Variants in FAM120C observed in about 807,000 individuals in gnomAD.
The protein encoded by FAM120C is constitutive coactivator of PPAR-gamma-like protein 2.
FAM120C carries 14 observed loss-of-function variants against 71.2 expected under a neutral mutation model. That is an observed-to-expected ratio of 0.20 (90% CI 0.13 to 0.31). FAM120C has a LOEUF of 0.31. Ranked by LOEUF, FAM120C falls within the 10% of genes least tolerant of loss-of-function variation. The pLI is 1.00. For synonymous variants in FAM120C, 354 were observed against 353.2 expected (o/e 1.00, Z -0.03); for missense variants, 500 against 879.0 (o/e 0.57, Z 5.45).
chrX:54,103,613 G>A (rs782306118), intron 10 of FAM120C, among the ~76,000 whole-genome samples: 17 of 111,473 alleles, frequency 1.5e-4, no homozygotes, highest in African/African-American at 5.2e-4. Context: ...TTTCTTTAGC[G>A]TATTTTAAGT....
At chrX:54,157,624 C>T in intron 3 of FAM120C, 65 bp downstream of exon 3, 1 of 739,994 alleles carries the variant, frequency 1.4e-6, no homozygotes, top group Non-Finnish European at 2.0e-6. Context: ...ATAATTATTC[C>T]ATCAAAACTC....
chrX:54,156,832 A>C (rs2067212048), intron 3 of FAM120C, among the ~76,000 whole-genome samples: 1 of 100,511 alleles, frequency 9.9e-6, no homozygotes, highest in Non-Finnish European at 2.0e-5. Context: ...GGTTGCAGTG[A>C]GCTGAGATTG....
intron 1 of FAM120C, among the ~76,000 whole-genome samples, chrX:54,164,931 GT>G (rs1286225775): frequency 2.1e-3 from 231 of 111,115 alleles, no homozygotes; most frequent in African/African-American, 7.0e-3. Flanking sequence ...TTTTTTGTGT[GT>G]TTTTTTTAAC....
At chrX:54,170,697 A>G (rs2146646563) in intron 1 of FAM120C, among the ~76,000 whole-genome samples, 1 of 111,956 alleles carries the variant, frequency 8.9e-6, no homozygotes, top group East Asian at 2.8e-4. Flanking sequence ...ATGGAGATTT[A>G]CTTAATTCAT....
intron 1 of FAM120C, among the ~76,000 whole-genome samples, chrX:54,159,922 A>C (rs1294838185): frequency 9.1e-6 from 1 of 110,021 alleles, no homozygotes; most frequent in Non-Finnish European, 1.9e-5. Flanking sequence ...TACTCTTAAA[A>C]AACAAAACAA....
chrX:54,077,937 C>T (rs1400608446), intron 15 of FAM120C, among the ~76,000 whole-genome samples: 2 of 57,032 alleles, frequency 3.5e-5, no homozygotes, highest in African/African-American at 8.5e-5. Context: ...ATAAGATCTA[C>T]TCTTTTTTTT....
chrX:54,175,141 A>G (rs2067309886), intron 1 of FAM120C, among the ~76,000 whole-genome samples: 1 of 111,373 alleles, frequency 9.0e-6, no homozygotes, highest in South Asian at 3.8e-4. Flanking sequence ...CACAAAACAT[A>G]TTTTGCCTAT....
chrX:54,145,857 C>A (rs1410403916), intron 4 of FAM120C, among the ~76,000 whole-genome samples: 3 of 112,059 alleles, frequency 2.7e-5, no homozygotes, highest in Admixed American at 9.5e-5. Context: ...CACATGCACA[C>A]GTATGTTTAC....
intron 1 of FAM120C, 144 bp from the exon 2 acceptor site, chrX:54,159,760 A>AC (rs2067227051): frequency 6.3e-6 from 3 of 474,096 alleles, no homozygotes; most frequent in South Asian, 6.4e-5. Flanking sequence ...AACATTTTTT[A>AC]CTTTTTTTTT....
At chrX:54,125,004 C>A (rs1557127768) in intron 9 of FAM120C, among the ~76,000 whole-genome samples, 1 of 110,887 alleles carries the variant, frequency 9.0e-6, no homozygotes, top group Non-Finnish European at 1.9e-5. Context: ...AAACAAAAAA[C>A]AACAAAAAAA....
At chrX:54,167,953 G>A (rs1248025261) in intron 1 of FAM120C, among the ~76,000 whole-genome samples, 1 of 101,809 alleles carries the variant, frequency 9.8e-6, no homozygotes, top group Non-Finnish European at 2.0e-5. Flanking sequence ...GGGCGACAGA[G>A]TGAGACTCCG....
chrX:54,151,125 G>A, intron 4 of FAM120C, 120 bp downstream of exon 4: 1 of 813,388 alleles, frequency 1.2e-6, no homozygotes, highest in Non-Finnish European at 1.8e-6. Flanking sequence ...TCATTTGTAA[G>A]CATGGAGAAG....
At chrX:54,095,297 T>C (rs1278716356) in intron 10 of FAM120C, among the ~76,000 whole-genome samples, 1 of 109,769 alleles carries the variant, frequency 9.1e-6, no homozygotes, top group Non-Finnish European at 1.9e-5. Flanking sequence ...GCCAGCACCA[T>C]AGTGACTTAA....
At chrX:54,138,088 T>A (rs782023447) in intron 4 of FAM120C, among the ~76,000 whole-genome samples, 95 of 111,511 alleles carry the variant, frequency 8.5e-4, no homozygotes, top group Non-Finnish European at 1.3e-3. Context: ...ATAAATAAAT[T>A]GTGGTATATT....
rs1034820673 is a variant in FAM120C, at chrX:54,078,095, T to C, written c.3036+2137A>G. On this transcript the variant is annotated intron_variant, in intron 15 of 15. Transcript: ENST00000375180. The stretch of plus-strand genomic sequence containing the variant: ...AGTAGCTGGGACTACAGGCGCCCGC[T>C]ACCACGCCCGGCTAATTTTTTGTAT... Among the ~76,000 whole-genome samples, 585 of 104,245 alleles carry C rather than the reference T, an allele frequency of 5.6e-3. 4 individuals are homozygous for C. The highest frequency in any genetic ancestry group is 0.019 in the African/African-American group (544 of 28,893). 90.5% of individuals were successfully genotyped at this position (104,245 alleles called of 115,157 possible).
intron 15 of FAM120C, 75 bp downstream of exon 15, chrX:54,080,157 G>C: frequency 1.2e-6 from 1 of 862,230 alleles, no homozygotes; most frequent in Non-Finnish European, 1.7e-6. Flanking sequence ...CATGCCTGAT[G>C]TGATCTCTTT....
Position 54,182,719 on chromosome X carries a change from A to G in FAM120C, c.480T>C (p.Pro160=). ...CCACGAGCTCCAGGCCGTCGCCGCC[A>G]GGATAGGCACAAGCCTGGCACAGCG... is the stretch of plus-strand genomic sequence containing the variant. The part of the protein sequence containing the change: ...LSALCQACAY[P]GGDGLELVVM... The change falls in exon 1 of 16, where the codon CCT becomes CCC. Residue 160 remains proline, a synonymous_variant. Coordinates refer to ENST00000375180, the MANE Select transcript of FAM120C (RefSeq NM_017848.6). 1 of 1,209,708 alleles carries G rather than the reference A, an allele frequency of 8.3e-7. No homozygotes were observed. The highest frequency in any genetic ancestry group is 1.1e-6 in the Non-Finnish European group (1 of 894,834).
In FAM120C at chrX:54,085,793, G is replaced by A; in HGVS notation, c.2761C>T (p.Leu921Phe). 1 of 1,211,727 alleles carries A rather than the reference G, an allele frequency of 8.3e-7. No homozygotes were observed. The highest frequency in any genetic ancestry group is 1.1e-6 in the Non-Finnish European group (1 of 895,443). Residue 921 changes from leucine to phenylalanine, a missense_variant, in exon 13 of 16, where the codon CTC becomes TTC. Transcript: ENST00000375180. The part of the protein sequence containing the change: ...PTFVPPMVPS[L>F]YPVSLYSRAM... ...CGGGAATAAAGTGAAACAGGGTAGA[G>A]AGAGGGCACCATGGGAGGCACAAAA...
chrX:54,078,179 G>A (rs1263843325), intron 15 of FAM120C, among the ~76,000 whole-genome samples: 5 of 106,163 alleles, frequency 4.7e-5, no homozygotes, highest in African/African-American at 6.8e-5. Context: ...TCCTGACCTC[G>A]TGATCCGCCC....
Sources: gnomAD v4.1 joint callset for allele counts (sites outside exome capture counted in the v4.1 genomes callset) on GRCh38, gnomAD v4.1.1 for gene constraint, MANE v1.5 for transcripts, NCBI Gene and HGNC (gene_info 2026-07-23, HGNC 2026-07-21) for gene names.